FSIP2: variants seen among roughly 807,000 people sequenced by gnomAD.
FSIP2 encodes the protein fibrous sheath-interacting protein 2.
Under a neutral mutation model 510.5 loss-of-function variants are expected in FSIP2, and 367 were observed. The ratio of observed to expected loss-of-function variants is 0.72; its 90% CI spans 0.66 to 0.78. The LOEUF is 0.78. Ranked by LOEUF, FSIP2 falls within the 30% of genes least tolerant of loss-of-function variation. The pLI is 0.00. For missense variants in FSIP2, 7,594 were observed against 7,901.7 expected, an observed-to-expected ratio of 0.96 and a Z score of 1.48; for synonymous variants, 2,601 against 2,732.2, an observed-to-expected ratio of 0.95 and a Z score of 1.50.
At chr2:185,767,749 A>C (rs1047582272) in intron 13 of FSIP2, among the ~76,000 whole-genome samples, 1 of 152,096 alleles carries the variant, frequency 6.6e-6, no homozygotes, top group African/African-American at 2.4e-5. Context: ...GATTTTCTTT[A>C]TGCCCTCATC....
Position 185,803,992 on chromosome 2 carries a change from G to C in FSIP2, c.14686G>C (p.Ala4896Pro). ...SISDIPVSKI[A>P]SFIIKEIFNH... is the part of the protein sequence containing the mutation. ...AAGTGACATACCTGTTTCAAAAATAGCGAGTTTTATAATAAAAGAAATCTT... is the reference window on the plus strand; with the variant it reads ...AAGTGACATACCTGTTTCAAAAATACCGAGTTTTATAATAAAAGAAATCTT... The change falls in exon 17 of 23, where the codon GCG (alanine) becomes CCG (proline). Residue 4896 changes from alanine to proline, a missense_variant. Ala to Pro is a conservative substitution (Grantham distance 27). Transcript: ENST00000424728. 6.7e-7 allele frequency: 1 copy of C among 1,494,682 alleles called. No homozygotes were observed. Among genetic ancestry groups the C allele is most frequent in the Non-Finnish European group, 8.9e-7 (1 of 1,124,988 alleles). 92.6% of individuals were successfully genotyped at this position (1,494,682 alleles called of 1,614,324 possible). A position where few individuals can be genotyped will look rare whatever the true frequency, so the allele number is the denominator to read the frequency against.
chr2:185,738,096 C>T (rs1313799543), upstream of FSIP2: 3 of 159,636 alleles, frequency 1.9e-5, no homozygotes, highest in South Asian at 5.1e-4. Flanking sequence ...TAAGTCTAAA[C>T]AACAGGTGGG....
Position 185,808,788 on chromosome 2 carries a change from A to G in FSIP2, c.19482A>G (p.Glu6494=). 1 of 1,612,708 alleles carries G rather than the reference A, an allele frequency of 6.2e-7. No individual in the cohort carries two copies. The highest frequency in any genetic ancestry group is 2.2e-5 in the East Asian group (1 of 44,774). ...ATAGAATTGTTCAAAAGGCCCAAGA[A>G]CATGCTTTTAATGTGATTCCTGAAT... ...DVNRIVQKAQ[E]HAFNVIPELE... The change falls in exon 17 of 23, where the codon GAA becomes GAG. Residue 6494 remains glutamate, a synonymous_variant. Coordinates refer to ENST00000424728, the MANE Select transcript of FSIP2 (RefSeq NM_173651.4).
chr2:185,794,432 C>A lies in FSIP2; in HGVS notation c.7296C>A (p.His2432Gln). 1 of 1,512,008 alleles carries A rather than the reference C, an allele frequency of 6.6e-7. No homozygotes were observed. Among genetic ancestry groups the A allele is most frequent in the Non-Finnish European group, 8.8e-7 (1 of 1,137,788 alleles). The allele number at this position is 1,512,008 out of a possible 1,614,324, so 93.7% of individuals were successfully genotyped here. Residue 2432 changes from histidine (H) to glutamine (Q), a missense_variant, in exon 16 of 23, where the codon CAC becomes CAA. Physicochemically the swap from His to Gln is conservative, Grantham distance 24 (BLOSUM62 0). Transcript: ENST00000424728. ...LALSNEILLG[H>Q]KEKERSTKQS... is the part of the protein sequence containing the mutation. ...TATCAAATGAAATATTGCTGGGTCA[C>A]AAAGAGAAGGAAAGAAGTACCAAAC...
Position 185,763,240 on chromosome 2 carries a change from G to T in FSIP2, c.1298G>T (p.Arg433Ile), listed in dbSNP as rs1287212331. The T allele has an allele frequency of 3.3e-6, 5 of 1,523,432 alleles. No individual in the cohort carries two copies. In the East Asian group the frequency reaches 1.2e-4, roughly 37 times the overall value. The allele number at this position is 1,523,432 out of a possible 1,614,324, so 94.4% of individuals were successfully genotyped here. ...SIISAQVSPT[R>I]NFSRVSQAFL... ...ATTTCAGCGCAGGTATCACCCACGAGAAATTTTTCCAGAGTTTCACAGGCA... is the reference window on the plus strand; with the variant it reads ...ATTTCAGCGCAGGTATCACCCACGATAAATTTTTCCAGAGTTTCACAGGCA... Residue 433 changes from arginine to isoleucine, a missense_variant, in exon 12 of 23, where the codon AGA (arginine) becomes ATA (isoleucine). Coordinates refer to ENST00000424728, the MANE Select transcript of FSIP2 (RefSeq NM_173651.4).
chr2:185,765,394 A>G (rs984242948), intron 13 of FSIP2: 2 of 152,092 alleles, frequency 1.3e-5, no homozygotes, highest in African/African-American at 4.8e-5. Flanking sequence ...CATTTATTAA[A>G]TAGGGAATCC....
At position 185,796,749 on chromosome 2, in the gene FSIP2, G is replaced by A; in HGVS notation, c.9613G>A (p.Asp3205Asn). The A allele has an allele frequency of 6.5e-7, 1 of 1,535,036 alleles. No individual in the cohort carries two copies. The highest frequency in any genetic ancestry group is 8.7e-7 in the Non-Finnish European group (1 of 1,146,232). The part of the protein sequence containing the change: ...DMKEKYRVSS[D>N]LPTSVRSSVE... Reference sequence around the variant, plus strand: ...GAAAGAAAAGTACAGGGTTTCATCAGATTTACCCACCTCTGTCAGATCCTC... The same window carrying A: ...GAAAGAAAAGTACAGGGTTTCATCAAATTTACCCACCTCTGTCAGATCCTC... The change falls in exon 16 of 23, where the codon GAT (aspartate) becomes AAT (asparagine). Residue 3205 changes from aspartate to asparagine, a missense_variant. By Grantham distance (23) the Asp-to-Asn change is conservative. Transcript: ENST00000424728.
In FSIP2 at chr2:185,797,500, C is replaced by T; in HGVS notation, c.10364C>T (p.Thr3455Ile). ...IARHVTTSVV[T>I]YLKNFETTVF... ...AGACATGTCACCACATCTGTGGTCACATATTTGAAGAACTTTGAAACTACA... is the reference window on the plus strand; with the variant it reads ...AGACATGTCACCACATCTGTGGTCATATATTTGAAGAACTTTGAAACTACA... Residue 3455 changes from threonine to isoleucine, a missense_variant, in exon 16 of 23, where the codon ACA becomes ATA. Coordinates refer to ENST00000424728, the MANE Select transcript of FSIP2 (RefSeq NM_173651.4). The T allele has an allele frequency of 1.3e-6, 2 of 1,500,896 alleles. No homozygotes were observed. Among genetic ancestry groups the T allele is most frequent in the Non-Finnish European group, 1.8e-6 (2 of 1,136,694 alleles). The allele number at this position is 1,500,896 out of a possible 1,614,324, so 93.0% of individuals were successfully genotyped here.
At chr2:185,827,409 A>T (rs2105687704) in intron 20 of FSIP2, among the ~76,000 whole-genome samples, 1 of 151,932 alleles carries the variant, frequency 6.6e-6, no homozygotes, top group Admixed American at 6.6e-5. Flanking sequence ...TCATTCCTAT[A>T]CTATGCATGA....
chr2:185,828,132 C>T, intron 20 of FSIP2, 24 bp from the exon 21 acceptor site: 1 of 1,133,834 alleles, frequency 8.8e-7, no homozygotes, highest in Non-Finnish European at 1.3e-6. Context: ...GACTATTTTA[C>T]TTTTTTTTTT....
chr2:185,779,711 C>T (rs1692802129), intron 13 of FSIP2, among the ~76,000 whole-genome samples: 1 of 152,120 alleles, frequency 6.6e-6, no homozygotes, highest in South Asian at 2.1e-4. Flanking sequence ...TATTTGCCCA[C>T]CTGTTTACCA....
chr2:185,804,767 C>T lies in FSIP2; in HGVS notation c.15461C>T (p.Ala5154Val). ...CCGGATGATGAATTTGTGGAGGCAGCTTCAAAATTGACTGATGAAATTATA... is the reference window on the plus strand; with the variant it reads ...CCGGATGATGAATTTGTGGAGGCAGTTTCAAAATTGACTGATGAAATTATA... ...FPPDDEFVEA[A>V]SKLTDEIIKE... is the part of the protein sequence containing the mutation. The change falls in exon 17 of 23, where the codon GCT becomes GTT. Residue 5154 changes from alanine (A) to valine (V), a missense_variant. Coordinates refer to ENST00000424728, the MANE Select transcript of FSIP2 (RefSeq NM_173651.4). 1 of 1,532,138 alleles carries T rather than the reference C, an allele frequency of 6.5e-7. No individual in the cohort carries two copies. The highest frequency in any genetic ancestry group is 8.7e-7 in the Non-Finnish European group (1 of 1,144,730). The allele number at this position is 1,532,138 out of a possible 1,614,324, so 94.9% of individuals were successfully genotyped here. A position where few individuals can be genotyped will look rare whatever the true frequency, so the allele number is the denominator to read the frequency against.
At position 185,805,966 on chromosome 2, in the gene FSIP2, A is replaced by C; in HGVS notation, c.16660A>C (p.Asn5554His). The C allele has an allele frequency of 6.4e-7, 1 of 1,567,808 alleles. No individual in the cohort carries two copies. The highest frequency in any genetic ancestry group is 8.6e-7 in the Non-Finnish European group (1 of 1,162,488). ...TVKSKDTQEP[N>H]LSETFNNNEI... ...GAAAAGTAAAGATACTCAGGAGCCAAATTTGAGTGAAACATTTAATAATAA... is the reference window on the plus strand; with the variant it reads ...GAAAAGTAAAGATACTCAGGAGCCACATTTGAGTGAAACATTTAATAATAA... The change falls in exon 17 of 23, where the codon AAT (asparagine) becomes CAT (histidine). Residue 5554 changes from asparagine to histidine, a missense_variant. Physicochemically the swap from Asn to His is moderately conservative, Grantham distance 68. Transcript: ENST00000424728.
chr2:185,781,204 T>C (rs2105593584), intron 13 of FSIP2, among the ~76,000 whole-genome samples: 1 of 152,328 alleles, frequency 6.6e-6, no homozygotes, highest in Admixed American at 6.5e-5. Flanking sequence ...ATAGACACTG[T>C]ATTTTAAGTA....
At position 185,789,348 on chromosome 2, in the gene FSIP2, T is replaced by C. The variant is rs1289340958; in HGVS notation, c.2212T>C (p.Cys738Arg). The C allele has an allele frequency of 9.8e-6, 15 of 1,534,918 alleles. No homozygotes were observed. Among genetic ancestry groups the C allele is most frequent in the African/African-American group, 1.4e-5 (1 of 72,954 alleles). Residue 738 changes from cysteine to arginine, a missense_variant, in exon 16 of 23, where the codon TGT (cysteine) becomes CGT (arginine). Transcript: ENST00000424728. ...SVTAEVFVEQCEREKEILLSN... is the reference protein window; with the variant it reads ...SVTAEVFVEQREREKEILLSN... Reference sequence around the variant, plus strand: ...TACTGCTGAAGTTTTTGTTGAACAATGTGAACGTGAAAAAGAAATCTTGCT... The same window carrying C: ...TACTGCTGAAGTTTTTGTTGAACAACGTGAACGTGAAAAAGAAATCTTGCT...
Position 185,792,275 on chromosome 2 carries a change from A to T in FSIP2, c.5139A>T (p.Thr1713=). 6.5e-7 allele frequency: 1 copy of T among 1,533,166 alleles called. No individual in the cohort carries two copies. The highest frequency in any genetic ancestry group is 8.7e-7 in the Non-Finnish European group (1 of 1,145,148). The allele number at this position is 1,533,166 out of a possible 1,614,324, so 95.0% of individuals were successfully genotyped here. Reference sequence around the variant, plus strand: ...TTGAAACTTATCGATACAGGCCAACATATGGAAGTCTTCCTGGAGGAGCTG... The same window carrying T: ...TTGAAACTTATCGATACAGGCCAACTTATGGAAGTCTTCCTGGAGGAGCTG... ...GGIETYRYRP[T]YGSLPGGAES... The change falls in exon 16 of 23, where the codon ACA becomes ACT. Residue 1713 remains threonine (T), a synonymous_variant. Transcript: ENST00000424728.
chr2:185,824,350 G>T (rs1198779606), intron 19 of FSIP2, 84 bp from the exon 20 acceptor site: 2 of 860,370 alleles, frequency 2.3e-6, no homozygotes, highest in Non-Finnish European at 3.8e-6. Context: ...TTTCCATATG[G>T]AGAATAACTG....
At chr2:185,831,919 A>T in intron 22 of FSIP2, 37 bp downstream of exon 22, 1 of 1,226,026 alleles carries the variant, frequency 8.2e-7, no homozygotes, top group Non-Finnish European at 1.2e-6. Context: ...GGTGTAATTA[A>T]ACTGTCAATT....
Position 185,807,397 on chromosome 2 carries a change from A to G in FSIP2, c.18091A>G (p.Thr6031Ala). The change falls in exon 17 of 23, where the codon ACA becomes GCA. Residue 6031 changes from threonine (T) to alanine (A), a missense_variant. Physicochemically the swap from Thr to Ala is moderately conservative, Grantham distance 58. Transcript: ENST00000424728. The part of the protein sequence containing the change: ...FSKIFSTISS[T>A]KTKEPEDNLS... Reference sequence around the variant, plus strand: ...CAAAATTTTCTCAACAATATCCAGCACAAAAACAAAAGAACCTGAGGACAA... The same window carrying G: ...CAAAATTTTCTCAACAATATCCAGCGCAAAAACAAAAGAACCTGAGGACAA... 1.2e-6 allele frequency: 2 copies of G among 1,608,382 alleles called. No homozygotes were observed. The highest frequency in any genetic ancestry group is 1.7e-6 in the Non-Finnish European group (2 of 1,178,370).
Sources: gnomAD v4.1 joint callset for allele counts (sites outside exome capture counted in the v4.1 genomes callset) on GRCh38, gnomAD v4.1.1 for gene constraint, MANE v1.5 for transcripts, NCBI Gene and HGNC (gene_info 2026-07-23, HGNC 2026-07-21) for gene names.